The following GOLGA8A variants were observed in gnomAD, a reference collection of about 807,000 sequenced individuals.
The protein encoded by GOLGA8A is golgin subfamily A member 8A.
A neutral mutation model predicts 22.1 loss-of-function variants in GOLGA8A; 3 were observed. That is an observed-to-expected ratio of 0.14 (90% CI 0.06 to 0.35). The LOEUF (loss-of-function observed/expected upper bound fraction) is 0.35. GOLGA8A is among the 10% of genes least tolerant of loss of function. The probability of loss-of-function intolerance (pLI) is 1.00; values close to 1 mark genes in which losing one functional copy is unlikely to be tolerated. For synonymous variants in GOLGA8A, 7 were observed against 91.7 expected (o/e 0.08, Z 5.28); for missense variants, 16 against 233.2 (o/e 0.07, Z 6.07).
chr15:34,430,958 G>A (rs917105754), intron 2 of GOLGA8A, among the ~76,000 whole-genome samples: 1 of 148,658 alleles, frequency 6.7e-6, no homozygotes, highest in Non-Finnish European at 1.5e-5. Context: ...GGATAATTCA[G>A]ACAGATGCTA....
chr15:34,414,663 C>T (rs973235879), intron 2 of GOLGA8A, among the ~76,000 whole-genome samples: 2 of 136,812 alleles, frequency 1.5e-5, no homozygotes, highest in African/African-American at 5.9e-5. Context: ...GAAGAACCAG[C>T]CATGCTGGCC....
At chr15:34,431,343 A>ATCTCTCTCTCTC (rs1566914036) in intron 2 of GOLGA8A, among the ~76,000 whole-genome samples, 3 of 119,356 alleles carry the variant, frequency 2.5e-5, no homozygotes, top group African/African-American at 9.6e-5. Flanking sequence ...ATATATATAT[A>ATCTCTCTCTCTC]TATCTCACAC....
intron 2 of GOLGA8A, chr15:34,420,409 C>G (rs1405475931): frequency 1.1e-4 from 16 of 148,422 alleles, no homozygotes; most frequent in African/African-American, 3.8e-4. Context: ...ACCTCTTATC[C>G]AGACCCGGAG....
chr15:34,379,135 A>C lies in GOLGA8A; in HGVS notation c.*2276T>G, dbSNP rs1059949. ...ATCAGCAGTCAATAATGCCACTTTA[A>C]GCAAAAGTCTTTCAGTATTTCCGTT... On this transcript the variant is annotated 3_prime_UTR_variant, in exon 25 of 25. Coordinates refer to ENST00000359187, the MANE Select transcript of GOLGA8A (RefSeq NM_181077.5). The C allele has an allele frequency of 6.6e-6, 1 of 152,658 alleles. No individual in the cohort carries two copies. Among genetic ancestry groups the C allele is most frequent in the African/African-American group, 2.4e-5 (1 of 41,454 alleles). 9.5% of individuals were successfully genotyped at this position (152,658 alleles called of 1,614,324 possible). A position where few individuals can be genotyped will look rare whatever the true frequency, so the allele number is the denominator to read the frequency against.
At chr15:34,381,896 GCCCACCCTCATGCCCAC>G in intron 23 of GOLGA8A, 40 bp from the exon 24 acceptor site, 4 of 493,054 alleles carry the variant, frequency 8.1e-6, no homozygotes, top group East Asian at 3.6e-5. Context: ...CGCTGCTGGC[GCCCACCCTCATGCCCAC>G]CCCACCCACA....
intron 2 of GOLGA8A, among the ~76,000 whole-genome samples, chr15:34,422,631 G>T (rs2140274098): frequency 3.0e-5 from 2 of 66,638 alleles, no homozygotes; most frequent in South Asian, 6.9e-4. Flanking sequence ...AAGTTCATAG[G>T]CCCCAGAGTC....
chr15:34,431,531 T>C (rs1213792194), intron 2 of GOLGA8A, among the ~76,000 whole-genome samples: 1 of 147,684 alleles, frequency 6.8e-6, no homozygotes, highest in Non-Finnish European at 1.5e-5. Flanking sequence ...CACTAGGTTA[T>C]AGGGTACAGT....
At position 34,427,987 on chromosome 15, in the gene GOLGA8A, T is replaced by C. The variant is rs980750214; in HGVS notation, c.-1123+7396A>G. Reference sequence around the variant, plus strand: ...GTTGACATGAACTACAGCATAATATTAGATGTCTGATTAAAATCATCAAGA... The same window carrying C: ...GTTGACATGAACTACAGCATAATATCAGATGTCTGATTAAAATCATCAAGA... On this transcript the variant is annotated intron_variant, in intron 2 of 24. Coordinates refer to ENST00000359187, the MANE Select transcript of GOLGA8A (RefSeq NM_181077.5). 8.1e-5 allele frequency among the ~76,000 whole-genome samples: 12 copies of C among 148,876 alleles called. 1 individual carries two copies. Among genetic ancestry groups the C allele is most frequent in the South Asian group, 4.3e-4 (2 of 4,642 alleles).
At position 34,381,272 on chromosome 15, in the gene GOLGA8A, AAACTAT is replaced by A; in HGVS notation, c.*133_*138del. On this transcript the variant is annotated 3_prime_UTR_variant, in exon 25 of 25. Transcript: ENST00000359187. ...CTTTTAACTTTTTACAAATAAACTT[AAACTAT>A]AAATTAGAAACACAAATAATCATGA... is the stretch of plus-strand genomic sequence containing the variant. 1 of 1,107,628 alleles carries A rather than the reference AAACTAT, an allele frequency of 9.0e-7. No individual in the cohort carries two copies. The highest frequency in any genetic ancestry group is 1.3e-6 in the Non-Finnish European group (1 of 761,808). The allele number at this position is 1,107,628 out of a possible 1,614,324, so 68.6% of individuals were successfully genotyped here. A position where few individuals can be genotyped will look rare whatever the true frequency, so the allele number is the denominator to read the frequency against.
At chr15:34,427,266 G>C (rs1322489845) in intron 2 of GOLGA8A, among the ~76,000 whole-genome samples, 1 of 140,934 alleles carries the variant, frequency 7.1e-6, no homozygotes, top group Non-Finnish European at 1.5e-5. Flanking sequence ...AGGAGGTGGA[G>C]CTTACAGTAA....
chr15:34,432,907 G>C (rs1893320363), intron 2 of GOLGA8A, among the ~76,000 whole-genome samples: 1 of 148,972 alleles, frequency 6.7e-6, no homozygotes, highest in Non-Finnish European at 1.5e-5. Flanking sequence ...ACACCATGGA[G>C]CTCTTGCTGT....
intron 4 of GOLGA8A, among the ~76,000 whole-genome samples, chr15:34,405,394 GGGT>G (rs1359491129): frequency 7.1e-6 from 1 of 141,232 alleles, no homozygotes; most frequent in African/African-American, 2.5e-5. Flanking sequence ...GCGTATACAG[GGGT>G]GATCTCTGCT....
At chr15:34,422,699 G>A (rs1892831593) in intron 2 of GOLGA8A, among the ~76,000 whole-genome samples, 1 of 87,792 alleles carries the variant, frequency 1.1e-5, no homozygotes, top group African/African-American at 3.0e-5. Context: ...GTGTACGCTC[G>A]CGCTCGTGCG....
intron 2 of GOLGA8A, among the ~76,000 whole-genome samples, chr15:34,424,202 C>T (rs917247859): frequency 1.7e-4 from 24 of 140,542 alleles, no homozygotes; most frequent in East Asian, 8.8e-4. Flanking sequence ...AACTGTCCAC[C>T]GGCCTGCTTC....
chr15:34,401,015 C>T (rs1278617899), intron 5 of GOLGA8A, among the ~76,000 whole-genome samples: 1 of 81,392 alleles, frequency 1.2e-5, no homozygotes, highest in Non-Finnish European at 2.9e-5. Flanking sequence ...TTCTAGATCA[C>T]TAACATTTCT....
At position 34,380,161 on chromosome 15, in the gene GOLGA8A, A is replaced by C. The variant is rs1891409874; in HGVS notation, c.*1250T>G. On this transcript the variant is annotated 3_prime_UTR_variant, in exon 25 of 25. Transcript: ENST00000359187. Reference sequence around the variant, plus strand: ...TAATAATGTTTGTTATTACTTTCTAAAGTGTTTTCCACTCAAGGAAAAGAA... The same window carrying C: ...TAATAATGTTTGTTATTACTTTCTACAGTGTTTTCCACTCAAGGAAAAGAA... The C allele has an allele frequency of 6.6e-6, 1 of 152,268 alleles. No homozygotes were observed. Among genetic ancestry groups the C allele is most frequent in the Non-Finnish European group, 1.5e-5 (1 of 68,038 alleles). 9.4% of individuals were successfully genotyped at this position (152,268 alleles called of 1,614,324 possible). A position where few individuals can be genotyped will look rare whatever the true frequency, so the allele number is the denominator to read the frequency against.
intron 2 of GOLGA8A, among the ~76,000 whole-genome samples, chr15:34,430,466 A>G (rs949782108): frequency 6.7e-6 from 1 of 149,132 alleles, no homozygotes; most frequent in African/African-American, 2.5e-5. Context: ...CGAGACAATC[A>G]GCCATCAATC....
chr15:34,426,611 A>C (rs1892993980), intron 2 of GOLGA8A, among the ~76,000 whole-genome samples: 1 of 145,262 alleles, frequency 6.9e-6, no homozygotes, highest in African/African-American at 2.5e-5. Context: ...TCTATGTTAT[A>C]TAGCTCTATC....
chr15:34,432,247 G>A (rs1220692806), intron 2 of GOLGA8A, among the ~76,000 whole-genome samples: 2 of 149,080 alleles, frequency 1.3e-5, no homozygotes, highest in Admixed American at 6.8e-5. Flanking sequence ...ACGACTCTCC[G>A]ATGCCAGCCA....
Sources: gnomAD v4.1 joint callset for allele counts (sites outside exome capture counted in the v4.1 genomes callset) on GRCh38, gnomAD v4.1.1 for gene constraint, MANE v1.5 for transcripts, NCBI Gene and HGNC (gene_info 2026-07-23, HGNC 2026-07-21) for gene names.